The following DAPK2 variants were observed in gnomAD, a reference collection of about 807,000 sequenced individuals.
DAPK2 encodes the protein death-associated protein kinase 2.
A neutral mutation model predicts 44.1 loss-of-function variants in DAPK2; 35 were observed. The ratio of observed to expected loss-of-function variants is 0.79; its 90% CI spans 0.61 to 1.05. The LOEUF is 1.05. Ranked by LOEUF, DAPK2 falls within the 50% of genes least tolerant of loss-of-function variation. The pLI is 0.00. For missense variants in DAPK2, 453 were observed against 483.2 expected, an observed-to-expected ratio of 0.94 and a Z score of 0.59; for synonymous variants, 174 against 182.6, an observed-to-expected ratio of 0.95 and a Z score of 0.38.
intron 3 of DAPK2, among the ~76,000 whole-genome samples, chr15:63,942,992 C>A (rs2077352307): frequency 6.6e-6 from 1 of 152,018 alleles, no homozygotes. Context: ...CAAGTGAAGA[C>A]AGGTGCCACT....
intron 1 of DAPK2, chr15:64,029,817 T>C (rs2079960109): frequency 6.6e-6 from 1 of 152,546 alleles, no homozygotes; most frequent in South Asian, 2.1e-4. Flanking sequence ...TTGTCTAGGG[T>C]GCTGCTGTGG....
intron 1 of DAPK2, among the ~76,000 whole-genome samples, chr15:64,017,864 GGA>G (rs985782232): frequency 2.0e-5 from 3 of 152,196 alleles, no homozygotes; most frequent in Non-Finnish European, 2.9e-5. Flanking sequence ...CGGAGAAGGA[GGA>G]GAGGACAAAC....
intron 1 of DAPK2, among the ~76,000 whole-genome samples, chr15:64,033,914 C>CA (rs1301906196): frequency 1.9e-3 from 195 of 103,558 alleles, no homozygotes; most frequent in Middle Eastern, 5.7e-3. Flanking sequence ...GACTCTGTCT[C>CA]AAAAAAAAAA....
chr15:64,011,729 T>C (rs909915705), intron 1 of DAPK2, among the ~76,000 whole-genome samples: 1 of 152,228 alleles, frequency 6.6e-6, no homozygotes, highest in African/African-American at 2.4e-5. Context: ...TACATTTAAA[T>C]TTAAGCAGTC....
chr15:63,969,287 G>A (rs966041490), intron 3 of DAPK2, among the ~76,000 whole-genome samples: 1 of 152,000 alleles, frequency 6.6e-6, no homozygotes. Flanking sequence ...GGCCATGGTG[G>A]CATGTTTCTG....
intron 4 of DAPK2, among the ~76,000 whole-genome samples, chr15:63,931,123 A>C (rs564439443): frequency 6.6e-6 from 1 of 152,278 alleles, no homozygotes; most frequent in East Asian, 1.9e-4. Context: ...CCCTTTGGTC[A>C]TTTGACAACT....
At chr15:63,989,846 T>C (rs766023524) in intron 1 of DAPK2, among the ~76,000 whole-genome samples, 3 of 152,012 alleles carry the variant, frequency 2.0e-5, no homozygotes, top group East Asian at 1.9e-4. Context: ...TGCGCACCAT[T>C]ATACCTGGCT....
At chr15:63,998,954 TTC>T (rs1240153031) in intron 1 of DAPK2, among the ~76,000 whole-genome samples, 2 of 152,204 alleles carry the variant, frequency 1.3e-5, no homozygotes, top group Non-Finnish European at 2.9e-5. Context: ...CTCGCAAATC[TTC>T]TCTTTCCTAA....
chr15:63,948,194 C>T (rs989564101), intron 3 of DAPK2, among the ~76,000 whole-genome samples: 5 of 133,800 alleles, frequency 3.7e-5, no homozygotes, highest in African/African-American at 1.4e-4. Flanking sequence ...TCGCTTGAAC[C>T]TGGGAGGCAG....
At position 63,925,927 on chromosome 15, in the gene DAPK2, C is replaced by A. The variant is rs758919781; in HGVS notation, c.812+14G>T. 2 of 1,614,098 alleles carry A rather than the reference C, an allele frequency of 1.2e-6. No individual in the cohort carries two copies. The highest frequency in any genetic ancestry group is 8.5e-7 in the Non-Finnish European group (1 of 1,179,988). ...TCAGTACCTGAGAAACCAGTGGCTTCTCTGTCCTCTTACCGGGTCTCTTTA... is the reference window on the plus strand; with the variant it reads ...TCAGTACCTGAGAAACCAGTGGCTTATCTGTCCTCTTACCGGGTCTCTTTA... On this transcript the variant is annotated intron_variant, in intron 7 of 10. Transcript: ENST00000261891.
chr15:63,991,250 T>G (rs530655050), intron 1 of DAPK2: 1 of 456,272 alleles, frequency 2.2e-6, no homozygotes, highest in Non-Finnish European at 4.4e-6. Context: ...GGCAGTGCGC[T>G]GGGAACTAGA....
chr15:64,000,304 A>C (rs1282805512), intron 1 of DAPK2, among the ~76,000 whole-genome samples: 1 of 152,082 alleles, frequency 6.6e-6, no homozygotes, highest in Non-Finnish European at 1.5e-5. Flanking sequence ...TCCCGCTTTT[A>C]CTGGGGCCTG....
chr15:64,000,579 A>T (rs1030290883), intron 1 of DAPK2, among the ~76,000 whole-genome samples: 4 of 152,150 alleles, frequency 2.6e-5, no homozygotes, highest in Non-Finnish European at 4.4e-5. Flanking sequence ...ACTGAATTAG[A>T]CTGCTTTCCT....
At chr15:63,975,313 C>A (rs1433062338) in intron 2 of DAPK2, among the ~76,000 whole-genome samples, 1 of 152,128 alleles carries the variant, frequency 6.6e-6, no homozygotes, top group Non-Finnish European at 1.5e-5. Flanking sequence ...AGCAGTGAGG[C>A]CTTAAAACCT....
intron 1 of DAPK2, among the ~76,000 whole-genome samples, chr15:64,017,311 A>G (rs949645055): frequency 6.6e-6 from 1 of 152,230 alleles, no homozygotes; most frequent in African/African-American, 2.4e-5. Flanking sequence ...AATAGTGTCT[A>G]TCTACCCTGC....
intron 3 of DAPK2, among the ~76,000 whole-genome samples, chr15:63,954,837 G>A (rs960883035): frequency 6.6e-6 from 1 of 152,016 alleles, no homozygotes; most frequent in Non-Finnish European, 1.5e-5. Context: ...TCTCATCAAT[G>A]TTTTATAGTT....
rs776636585 is a variant in DAPK2 at position 63,912,122 on chromosome 15, G to A, written c.934C>T (p.Arg312Cys). Residue 312 changes from arginine to cysteine, a missense_variant, in exon 9 of 11, where the codon CGC becomes TGC. Transcript: ENST00000261891. The surrounding 1 kb of genome is among the most constrained non-coding windows in gnomAD (Gnocchi z 4.4). Reference sequence around the variant, plus strand: ...CCTGGACACACCTTCCACCGCCTGCGGACATACTGCTTCCTGAAGTTCTCC... The same window carrying A: ...CCTGGACACACCTTCCACCGCCTGCAGACATACTGCTTCCTGAAGTTCTCC... 4.3e-5 allele frequency: 69 copies of A among 1,603,104 alleles called. No homozygotes were observed. In the Middle Eastern group the frequency reaches 5.0e-4, roughly 12 times the overall value.
chr15:63,968,104 C>T (rs2078106684), intron 3 of DAPK2, among the ~76,000 whole-genome samples: 1 of 152,214 alleles, frequency 6.6e-6, no homozygotes, highest in African/African-American at 2.4e-5. Context: ...GAAGCCTCCT[C>T]TAAGCTACCA....
intron 6 of DAPK2, 23 bp downstream of exon 7, chr15:63,929,528 G>A (rs1424962106): frequency 1.9e-6 from 3 of 1,613,522 alleles, no homozygotes; most frequent in African/African-American, 2.7e-5. Flanking sequence ...CTGAGCCAGA[G>A]CCCCTGGATC....
Sources: allele counts gnomAD v4.1 joint callset (sites outside exome capture counted in the v4.1 genomes callset), GRCh38; gene constraint gnomAD v4.1.1; non-coding constraint Gnocchi (gnomAD v3.1); transcripts MANE v1.5; gene names NCBI Gene and HGNC (gene_info 2026-07-23, HGNC 2026-07-21).